The following RBFOX1 variants were observed in gnomAD, a reference collection of about 807,000 sequenced individuals.
RBFOX1 encodes RNA binding protein fox-1 homolog 1.
Under a neutral mutation model 57.7 loss-of-function variants are expected in RBFOX1, and 8 were observed. The observed-to-expected ratio is 0.14, with a 90% CI of 0.08 to 0.25. The LOEUF is 0.25. RBFOX1 is among the 10% of genes least tolerant of loss of function. The pLI is 1.00. For missense variants in RBFOX1, 611 were observed against 548.5 expected (o/e 1.11, Z -1.14); for synonymous variants, 326 against 222.4 (o/e 1.47, Z -4.15).
intron 4 of RBFOX1, among the ~76,000 whole-genome samples, chr16:7,134,853 A>AT (rs1567398034): frequency 2.0e-5 from 3 of 152,096 alleles, no homozygotes; most frequent in Non-Finnish European, 4.4e-5. Flanking sequence ...TTTAATGCAC[A>AT]TATGTCAGTG....
At chr16:6,845,529 G>A (rs144303464) in intron 3 of RBFOX1, among the ~76,000 whole-genome samples, 407 of 152,148 alleles carry the variant, frequency 2.7e-3, no homozygotes, top group African/African-American at 8.9e-3. Context: ...GTTCTGTTCC[G>A]TTGGTCGTTG....
intron 7 of RBFOX1, among the ~76,000 whole-genome samples, chr16:7,593,352 A>G (rs929079214): frequency 6.6e-6 from 1 of 152,174 alleles, no homozygotes; most frequent in African/African-American, 2.4e-5. Flanking sequence ...AAATAGAGCA[A>G]AATCCCCCTA....
intron 3 of RBFOX1, among the ~76,000 whole-genome samples, chr16:5,704,588 C>T (rs562018693): frequency 6.6e-6 from 1 of 152,162 alleles, no homozygotes; most frequent in Non-Finnish European, 1.5e-5. Context: ...GTTTATTTAC[C>T]CCTCTTCCCT....
intron 2 of RBFOX1, among the ~76,000 whole-genome samples, chr16:6,513,466 G>A (rs2153785535): frequency 6.6e-6 from 1 of 152,306 alleles, no homozygotes; most frequent in East Asian, 1.9e-4. Context: ...GGGCGCGGTG[G>A]CTCACGTCTG....
At chr16:7,688,118 T>C (rs577438900) in intron 14 of RBFOX1, among the ~76,000 whole-genome samples, 39 of 152,192 alleles carry the variant, frequency 2.6e-4, no homozygotes, top group African/African-American at 9.1e-4. Context: ...AATTGGATTT[T>C]GTCCCACTGC....
At chr16:7,181,798 C>A (rs749747733) in intron 4 of RBFOX1, among the ~76,000 whole-genome samples, 19 of 152,046 alleles carry the variant, frequency 1.2e-4, no homozygotes, top group Non-Finnish European at 2.2e-4. Flanking sequence ...TGAGCTCAAG[C>A]GATCTGCCCA....
chr16:6,080,213 G>T lies in RBFOX1; in HGVS notation c.-127+60221G>T, dbSNP rs563062238. Among the ~76,000 whole-genome samples, 53 of 152,250 alleles carry T rather than the reference G, an allele frequency of 3.5e-4. 2 individuals are homozygous for T. The South Asian group carries it at 0.011, about 31-fold the overall frequency. On this transcript the variant is annotated intron_variant, in intron 1 of 15. Transcript: ENST00000550418. ...CCCAATCTTCCCTTGGCGCTGATCC[G>T]TGGTTTCCTTCCTGATCCCACAGAA...
chr16:5,386,948 G>A (rs1373481066), intron 1 of RBFOX1, among the ~76,000 whole-genome samples: 1 of 152,194 alleles, frequency 6.6e-6, no homozygotes, highest in Non-Finnish European at 1.5e-5. Flanking sequence ...CTACTCAGGA[G>A]GCTGAGGCAG....
intron 14 of RBFOX1, among the ~76,000 whole-genome samples, chr16:7,688,044 C>A (rs1033151275): frequency 2.0e-5 from 3 of 151,994 alleles, no homozygotes; most frequent in Non-Finnish European, 2.9e-5. Flanking sequence ...AAAGTATTGG[C>A]TGGGCAGTCA....
chr16:6,364,473 T>C (rs1041384223), intron 2 of RBFOX1, among the ~76,000 whole-genome samples: 3 of 152,232 alleles, frequency 2.0e-5, no homozygotes, highest in Non-Finnish European at 4.4e-5. Flanking sequence ...GAAGCTTCTT[T>C]TTTAAGCAGA....
chr16:5,770,561 G>C (rs1449978832), intron 3 of RBFOX1, among the ~76,000 whole-genome samples: 1 of 152,138 alleles, frequency 6.6e-6, no homozygotes, highest in Non-Finnish European at 1.5e-5. Context: ...CTGCCTATGG[G>C]GTAGCCCTGC....
chr16:6,707,395 A>T (rs965976942), intron 3 of RBFOX1, among the ~76,000 whole-genome samples: 1 of 151,986 alleles, frequency 6.6e-6, no homozygotes, highest in Non-Finnish European at 1.5e-5. Context: ...TAGGGAAATC[A>T]TACGTTAACA....
At chr16:7,080,845 A>T (rs111490572) in intron 4 of RBFOX1, among the ~76,000 whole-genome samples, 49 of 152,292 alleles carry the variant, frequency 3.2e-4, no homozygotes, top group African/African-American at 1.1e-3. Context: ...CCTCAAGGCC[A>T]CAATCCATCC....
At chr16:7,072,661 C>T (rs948807982) in intron 4 of RBFOX1, among the ~76,000 whole-genome samples, 16 of 152,202 alleles carry the variant, frequency 1.1e-4, no homozygotes, top group Non-Finnish European at 1.9e-4. Context: ...AGAGGATCTT[C>T]TGTTTTTTGC....
At chr16:6,669,656 G>A (rs1453619054) in intron 3 of RBFOX1, among the ~76,000 whole-genome samples, 1 of 152,102 alleles carries the variant, frequency 6.6e-6, no homozygotes, top group Admixed American at 6.6e-5. Context: ...TTTTGCGTGT[G>A]TGTTTGAGTG....
intron 4 of RBFOX1, among the ~76,000 whole-genome samples, chr16:5,984,848 C>T (rs1265731477): frequency 6.7e-6 from 1 of 150,366 alleles, no homozygotes; most frequent in Non-Finnish European, 1.5e-5. Flanking sequence ...GCAGTTGGAA[C>T]ACAGTGGTCA....
chr16:6,540,607 G>T (rs1399206996), intron 2 of RBFOX1, among the ~76,000 whole-genome samples: 2 of 63,884 alleles, frequency 3.1e-5, no homozygotes, highest in South Asian at 9.6e-4. Flanking sequence ...GCGAGACTCT[G>T]TCTCAAAAAA....
chr16:6,706,903 A>T (rs7199309), intron 3 of RBFOX1, among the ~76,000 whole-genome samples: 4 of 152,066 alleles, frequency 2.6e-5, no homozygotes, highest in South Asian at 2.1e-4. Context: ...GTTTTTTGCA[A>T]TATTGCTAGT....
rs188344871 is a variant in RBFOX1 at position 7,192,104 on chromosome 16, A to T, written c.27+140006A>T. Among the ~76,000 whole-genome samples the T allele has an allele frequency of 2.0e-5, 3 of 152,256 alleles. No individual in the cohort carries two copies. In the East Asian group the frequency reaches 5.8e-4, roughly 29 times the overall value. ...TGTTTTCAAAACCAGAGAAAGGGGG[A>T]TAAAAAAAGAAGCAAAAAATAATTG... On this transcript the variant is annotated intron_variant, in intron 4 of 15. Coordinates refer to ENST00000550418, the MANE Select transcript of RBFOX1 (RefSeq NM_018723.4).
Sources: allele counts gnomAD v4.1 joint callset (sites outside exome capture counted in the v4.1 genomes callset), GRCh38; gene constraint gnomAD v4.1.1; transcripts MANE v1.5; gene names NCBI Gene and HGNC (gene_info 2026-07-23, HGNC 2026-07-21).